Variants in CYP7B1 observed in about 807,000 individuals in gnomAD.
CYP7B1 encodes the protein cytochrome P450 7B1.
CYP7B1 carries 29 observed loss-of-function variants against 42.7 expected under a neutral mutation model. The ratio of observed to expected loss-of-function variants is 0.68; its 90% confidence interval spans 0.51 to 0.93. The LOEUF (loss-of-function observed/expected upper bound fraction) is 0.93, where lower values mean the gene tolerates loss of function less well. CYP7B1 is among the 40% of genes least tolerant of loss of function. The pLI, the probability that CYP7B1 is intolerant of heterozygous loss-of-function variation, is 0.00. For missense variants in CYP7B1, 655 were observed against 600.5 expected (o/e 1.09, Z -0.95); for synonymous variants, 235 against 218.2 (o/e 1.08, Z -0.68).
rs71260892 is a variant in CYP7B1, at chr8:64,624,951, C to CTTTTT, written c.123-417_123-413dup. On this transcript the variant is annotated intron_variant, in intron 1 of 5. Coordinates refer to ENST00000310193, the MANE Select transcript of CYP7B1 (RefSeq NM_004820.5). ...AGTCCCCAAAGTCCATTATATCATT[C>CTTTTT]TTTTTTTTTTTTTTTTTTTTTTTTT... Among the ~76,000 whole-genome samples, 218 of 54,058 alleles carry CTTTTT rather than the reference C, an allele frequency of 4.0e-3. 58 individuals carry two copies. The highest frequency in any genetic ancestry group is 9.3e-3 in the African/African-American group (90 of 9,660). The allele number at this position is 54,058 out of a possible 152,430, so 35.5% of individuals were successfully genotyped here.
At chr8:64,738,442 AT>A (rs1012600313) in intron 1 of CYP7B1, among the ~76,000 whole-genome samples, 1 of 152,318 alleles carries the variant, frequency 6.6e-6, no homozygotes, top group African/African-American at 2.4e-5. Flanking sequence ...TCGTTGGCAA[AT>A]CAGATCATTG....
chr8:64,713,023 T>C (rs1293429676), intron 1 of CYP7B1, among the ~76,000 whole-genome samples: 1 of 152,158 alleles, frequency 6.6e-6, no homozygotes, highest in East Asian at 1.9e-4. Flanking sequence ...TGTAAGCTCC[T>C]TGAGGATTCT....
At chr8:64,776,090 C>T (rs892973349) in intron 1 of CYP7B1, among the ~76,000 whole-genome samples, 1 of 152,052 alleles carries the variant, frequency 6.6e-6, no homozygotes, top group African/African-American at 2.4e-5. Context: ...ATTTTATAGA[C>T]CTGGTTGTAA....
chr8:64,738,433 C>G (rs560387736), intron 1 of CYP7B1, among the ~76,000 whole-genome samples: 38 of 152,106 alleles, frequency 2.5e-4, no homozygotes, highest in Middle Eastern at 3.2e-3. Context: ...TTCACAGAAT[C>G]GTTGGCAAAT....
intron 1 of CYP7B1, among the ~76,000 whole-genome samples, chr8:64,641,529 T>C (rs1465985970): frequency 6.6e-6 from 1 of 152,128 alleles, no homozygotes; most frequent in Non-Finnish European, 1.5e-5. Flanking sequence ...CAATATTTAC[T>C]TGAAAAGGTT....
intron 1 of CYP7B1, among the ~76,000 whole-genome samples, chr8:64,653,597 C>T (rs1806072905): frequency 1.3e-5 from 2 of 152,190 alleles, no homozygotes; most frequent in African/African-American, 4.8e-5. Flanking sequence ...ACAATTCCTA[C>T]TGAAACTATT....
chr8:64,765,792 G>A (rs931748401), intron 1 of CYP7B1, among the ~76,000 whole-genome samples: 9 of 152,008 alleles, frequency 5.9e-5, no homozygotes, highest in Admixed American at 4.6e-4. Context: ...AGGCAAAAAC[G>A]CCCCTAAGAT....
intron 1 of CYP7B1, among the ~76,000 whole-genome samples, chr8:64,643,193 A>ATACATATATATACATATATATACACACG (rs1805894354): frequency 6.9e-6 from 1 of 145,272 alleles, no homozygotes; most frequent in Admixed American, 7.0e-5. Context: ...ATATATATAT[A>ATACATATATATACATATATATACACACG]CACACACACA....
intron 1 of CYP7B1, among the ~76,000 whole-genome samples, chr8:64,715,254 C>A (rs1317983732): frequency 6.6e-6 from 1 of 152,130 alleles, no homozygotes; most frequent in Non-Finnish European, 1.5e-5. Context: ...ATATCTGACA[C>A]CACTGAAATA....
At chr8:64,642,244 T>A (rs1475488383) in intron 1 of CYP7B1, among the ~76,000 whole-genome samples, 2 of 151,832 alleles carry the variant, frequency 1.3e-5, no homozygotes, top group Non-Finnish European at 2.9e-5. Context: ...TTGTACTCTA[T>A]TTCCTCTTCT....
At chr8:64,773,860 A>T (rs528020917) in intron 1 of CYP7B1, among the ~76,000 whole-genome samples, 1 of 152,272 alleles carries the variant, frequency 6.6e-6, no homozygotes, top group Non-Finnish European at 1.5e-5. Context: ...TCTCACAATA[A>T]ATAACCCACT....
chr8:64,781,879 C>G (rs1024264308), intron 1 of CYP7B1, among the ~76,000 whole-genome samples: 27 of 152,144 alleles, frequency 1.8e-4, no homozygotes, highest in Admixed American at 1.6e-3. Flanking sequence ...TCCCAAGTAG[C>G]ACAGCACCTT....
intron 4 of CYP7B1, among the ~76,000 whole-genome samples, chr8:64,610,369 AG>A (rs1805346042): frequency 1.3e-5 from 2 of 152,310 alleles, no homozygotes; most frequent in South Asian, 4.1e-4. Context: ...TCCAGTTAGA[AG>A]TTCCTAAATA....
intron 1 of CYP7B1, among the ~76,000 whole-genome samples, chr8:64,651,951 G>A (rs1806045823): frequency 6.6e-6 from 1 of 152,316 alleles, no homozygotes; most frequent in Non-Finnish European, 1.5e-5. Flanking sequence ...GTGGTTGTGA[G>A]TATTCAGTAG....
At chr8:64,698,141 T>C (rs954157906) in intron 1 of CYP7B1, among the ~76,000 whole-genome samples, 4 of 152,202 alleles carry the variant, frequency 2.6e-5, no homozygotes, top group Non-Finnish European at 5.9e-5. Context: ...TGATGGGTGA[T>C]AGAAGCTTCT....
At chr8:64,771,045 A>ATT (rs1308107007) in intron 1 of CYP7B1, among the ~76,000 whole-genome samples, 1 of 40,490 alleles carries the variant, frequency 2.5e-5, no homozygotes, top group African/African-American at 8.3e-5. Context: ...GGATATCAGC[A>ATT]TCTTTTTTTT....
intron 1 of CYP7B1, among the ~76,000 whole-genome samples, chr8:64,713,316 G>A (rs1298984314): frequency 6.6e-6 from 1 of 151,912 alleles, no homozygotes; most frequent in Admixed American, 6.6e-5. Context: ...AATTCTCAAT[G>A]TCCAGGATGC....
intron 1 of CYP7B1, among the ~76,000 whole-genome samples, chr8:64,655,321 C>T (rs945599693): frequency 2.6e-5 from 4 of 151,820 alleles, no homozygotes; most frequent in African/African-American, 9.7e-5. Flanking sequence ...GACAAGCTTA[C>T]AAAAGAAAAA....
intron 1 of CYP7B1, among the ~76,000 whole-genome samples, chr8:64,738,600 C>CAAGATACT (rs1196449422): frequency 8.5e-5 from 13 of 152,160 alleles, no homozygotes; most frequent in African/African-American, 3.1e-4. Context: ...CTTTTCTAAT[C>CAAGATACT]AAGATACTAA....
Sources: gnomAD v4.1 joint callset for allele counts (sites outside exome capture counted in the v4.1 genomes callset) on GRCh38, gnomAD v4.1.1 for gene constraint, MANE v1.5 for transcripts, NCBI Gene and HGNC (gene_info 2026-07-23, HGNC 2026-07-21) for gene names.